The following KIF15 variants were observed in gnomAD, a reference collection of about 807,000 sequenced individuals.
KIF15 encodes kinesin-like protein KIF15.
Under a neutral mutation model 190.6 loss-of-function variants are expected in KIF15, and 140 were observed. That is an observed-to-expected ratio of 0.73 (90% confidence interval 0.64 to 0.84). The LOEUF (loss-of-function observed/expected upper bound fraction) is 0.84. Ranked by LOEUF, KIF15 falls within the 40% of genes least tolerant of loss-of-function variation. KIF15 has a pLI of 0.00. For synonymous variants in KIF15, 528 were observed against 551.3 expected, an observed-to-expected ratio of 0.96 and a Z score of 0.59; for missense variants, 1,372 against 1,584.4, an observed-to-expected ratio of 0.87 and a Z score of 2.28.
chr3:44,786,686 A>C (rs1706423566), intron 7 of KIF15, 112 bp downstream of exon 7: 1 of 732,918 alleles, frequency 1.4e-6, no homozygotes. Context: ...TAAAGGCATA[A>C]TACAGAATGT....
chr3:44,844,650 T>C (rs1052789468), intron 30 of KIF15, among the ~76,000 whole-genome samples: 3 of 152,164 alleles, frequency 2.0e-5, no homozygotes, highest in African/African-American at 7.2e-5. Context: ...TACCAACATA[T>C]CTAAGTCAGA....
intron 4 of KIF15, among the ~76,000 whole-genome samples, chr3:44,778,806 C>A (rs1200355330): frequency 6.6e-6 from 1 of 151,408 alleles, no homozygotes; most frequent in African/African-American, 2.4e-5. Flanking sequence ...TGGTGAGACC[C>A]CCGTCTCTAC....
chr3:44,856,843 G>T (rs1699194627), downstream of KIF15, among the ~76,000 whole-genome samples: 1 of 152,146 alleles, frequency 6.6e-6, no homozygotes, highest in Admixed American at 6.5e-5. Flanking sequence ...TAACAGCATG[G>T]TGGTGCAGGA....
intron 31 of KIF15, 54 bp downstream of exon 31, chr3:44,848,111 G>C (rs922563940): frequency 9.2e-7 from 1 of 1,088,126 alleles, no homozygotes; most frequent in East Asian, 2.4e-5. Context: ...TGCTTTTATA[G>C]TTAGTATTTA....
chr3:44,805,263 T>C, intron 15 of KIF15, 95 bp downstream of exon 15: 2 of 1,229,168 alleles, frequency 1.6e-6, no homozygotes, highest in East Asian at 2.4e-5. Context: ...CATTTTACTT[T>C]AAATATTAAA....
intron 25 of KIF15, among the ~76,000 whole-genome samples, chr3:44,830,537 A>G (rs919396144): frequency 6.6e-6 from 1 of 152,182 alleles, no homozygotes; most frequent in Non-Finnish European, 1.5e-5. Context: ...AAAGTTAACT[A>G]CTTATTTTGT....
rs1379831034 is a variant in KIF15 at position 44,864,483 on chromosome 3, A to C, written c.*60-8846A>C. The C allele has an allele frequency of 5.2e-6, 5 of 959,166 alleles. No homozygotes were observed. In the African/African-American group the frequency reaches 8.2e-5, roughly 16 times the overall value. The allele number at this position is 959,166 out of a possible 1,614,324, so 59.4% of individuals were successfully genotyped here. On this transcript the variant is annotated intron_variant and NMD_transcript_variant, in intron 6 of 6. Coordinates refer to the KIF15 transcript ENST00000422209. ...TGGGCTGTGGCTTGACCCCTGGATG[A>C]GTGCTCTATTCATGGAGCAAATGTA...
At chr3:44,800,936 A>T (rs1468974581) in intron 11 of KIF15, among the ~76,000 whole-genome samples, 4 of 151,896 alleles carry the variant, frequency 2.6e-5, no homozygotes, top group Non-Finnish European at 5.9e-5. Flanking sequence ...ATAAAGAGAA[A>T]CTTATTCTTT....
chr3:44,805,383 G>A (rs1436540990), intron 15 of KIF15, among the ~76,000 whole-genome samples: 1 of 152,110 alleles, frequency 6.6e-6, no homozygotes, highest in African/African-American at 2.4e-5. Flanking sequence ...GTTTTTTCCT[G>A]TTGAGAGTCT....
intron 5 of KIF15, 117 bp downstream of exon 5, chr3:44,781,039 GA>G (rs1405742032): frequency 1.3e-6 from 1 of 752,008 alleles, no homozygotes; most frequent in Non-Finnish European, 2.2e-6. Flanking sequence ...TGAAATTAGG[GA>G]AATTCCCTAG....
chr3:44,825,593 A>G (rs1436845943), intron 20 of KIF15, among the ~76,000 whole-genome samples: 1 of 152,208 alleles, frequency 6.6e-6, no homozygotes, highest in Non-Finnish European at 1.5e-5. Flanking sequence ...TCAAATTCAC[A>G]TTGTCATCTT....
chr3:44,802,279 C>G (rs1179181498), intron 13 of KIF15, among the ~76,000 whole-genome samples: 1 of 152,140 alleles, frequency 6.6e-6, no homozygotes, highest in African/African-American at 2.4e-5. Flanking sequence ...TGCCTTTTAA[C>G]GTTTTTGTTG....
chr3:44,814,810 G>A, intron 19 of KIF15, 101 bp from the exon 20 acceptor site: 1 of 859,338 alleles, frequency 1.2e-6, no homozygotes, highest in South Asian at 2.4e-5. Flanking sequence ...CCTTAAAATA[G>A]TCTCTTCGAC....
rs775502496 is a variant in KIF15 at position 44,841,086 on chromosome 3, C to T, written c.3433C>T (p.Pro1145Ser). 6.2e-7 allele frequency: 1 copy of T among 1,612,076 alleles called. No homozygotes were observed. The highest frequency in any genetic ancestry group is 1.1e-5 in the South Asian group (1 of 90,850). The change falls in exon 29 of 35, where the codon CCA becomes TCA. Residue 1145 changes from proline to serine, a missense_variant. Coordinates refer to ENST00000326047, the MANE Select transcript of KIF15 (RefSeq NM_020242.3). ...GATTTTATTTTAGAGTCCTAAGACACCACCTCACTTTCAAACACATTTGGC... is the reference window on the plus strand; with the variant it reads ...GATTTTATTTTAGAGTCCTAAGACATCACCTCACTTTCAAACACATTTGGC... ...AAEDPQSPKT[P>S]PHFQTHLAKL...
At chr3:44,821,287 G>T (rs1439535618) in intron 20 of KIF15, among the ~76,000 whole-genome samples, 1 of 150,612 alleles carries the variant, frequency 6.6e-6, no homozygotes, top group South Asian at 2.1e-4. Context: ...TGGACGGGGC[G>T]GCTGGCCTGG....
chr3:44,867,746 G>A (rs1356540860), intron 6 of KIF15, among the ~76,000 whole-genome samples: 1 of 152,188 alleles, frequency 6.6e-6, no homozygotes, highest in Non-Finnish European at 1.5e-5. Flanking sequence ...CAAAAAGCAG[G>A]AAGATACAAC....
chr3:44,820,983 A>AC (rs1327829893), intron 20 of KIF15, among the ~76,000 whole-genome samples: 9 of 135,740 alleles, frequency 6.6e-5, no homozygotes, highest in South Asian at 4.9e-4. Flanking sequence ...CAGGGGGCTG[A>AC]CCCCCCCACC....
chr3:44,815,195 T>C, intron 20 of KIF15, 119 bp downstream of exon 20: 1 of 872,594 alleles, frequency 1.1e-6, no homozygotes, highest in Non-Finnish European at 1.6e-6. Context: ...AGATAATTTA[T>C]TGGCTCCAAT....
downstream of KIF15, among the ~76,000 whole-genome samples, chr3:44,854,014 C>T (rs1193243770): frequency 3.9e-5 from 6 of 152,072 alleles, no homozygotes; most frequent in African/African-American, 1.2e-4. Flanking sequence ...ACTGGGCACA[C>T]GGGAACTTTT....
Sources: gnomAD v4.1 joint callset for allele counts (sites outside exome capture counted in the v4.1 genomes callset) on GRCh38, gnomAD v4.1.1 for gene constraint, MANE v1.5 for transcripts, NCBI Gene and HGNC (gene_info 2026-07-23, HGNC 2026-07-21) for gene names.